Variants in MAP3K5 observed in about 807,000 individuals in gnomAD.
MAP3K5 encodes ASK-1.
Under a neutral mutation model 158.7 loss-of-function variants are expected in MAP3K5, and 56 were observed. The observed-to-expected ratio is 0.35, with a 90% confidence interval of 0.28 to 0.44. The LOEUF (loss-of-function observed/expected upper bound fraction) is 0.44, where lower values mean the gene tolerates loss of function less well. Among genes scored for constraint, MAP3K5 ranks in the 20% least tolerant of loss-of-function variants. The pLI, the probability that MAP3K5 is intolerant of heterozygous loss-of-function variation, is 1.00. For missense variants in MAP3K5, 1,294 were observed against 1,674.8 expected, an observed-to-expected ratio of 0.77 and a Z score of 3.97; for synonymous variants, 579 against 601.7, an observed-to-expected ratio of 0.96 and a Z score of 0.55.
intron 26 of MAP3K5, among the ~76,000 whole-genome samples, chr6:136,564,114 T>C (rs150659808): frequency 6.5e-4 from 99 of 152,336 alleles, no homozygotes; most frequent in African/African-American, 2.2e-3. Context: ...TGAGACAGCA[T>C]AGGTACAGTG....
At chr6:136,759,712 A>G (rs1054428035) in intron 1 of MAP3K5, among the ~76,000 whole-genome samples, 1 of 149,848 alleles carries the variant, frequency 6.7e-6, no homozygotes, top group African/African-American at 2.5e-5. Flanking sequence ...GGCTCAAGCG[A>G]TCTGCTCACC....
chr6:136,656,535 C>A, intron 9 of MAP3K5, 75 bp from the exon 10 acceptor site: 1 of 886,622 alleles, frequency 1.1e-6, no homozygotes, highest in Non-Finnish European at 1.7e-6. Context: ...CAGTCTAATT[C>A]TGTAAATGTA....
rs535991863 is a variant in MAP3K5, at chr6:136,752,304, G to C, written c.449-31715C>G. 7.2e-5 allele frequency among the ~76,000 whole-genome samples: 11 copies of C among 152,238 alleles called. No individual in the cohort carries two copies. In the East Asian group the frequency reaches 1.7e-3, roughly 24 times the overall value. ...ATCAATAAGGGCTGTATTAGAAACAGGGATGGTGCCGAGGAAACAACACAG... is the reference window on the plus strand; with the variant it reads ...ATCAATAAGGGCTGTATTAGAAACACGGATGGTGCCGAGGAAACAACACAG... On this transcript the variant is annotated intron_variant, in intron 1 of 29. Coordinates refer to ENST00000359015, the MANE Select transcript of MAP3K5 (RefSeq NM_005923.4).
At chr6:136,689,224 C>G (rs1780284074) in intron 7 of MAP3K5, among the ~76,000 whole-genome samples, 2 of 152,188 alleles carry the variant, frequency 1.3e-5, no homozygotes, top group Admixed American at 1.3e-4. Context: ...TGCCTGAGGC[C>G]AGGAGTTCCA....
intron 6 of MAP3K5, among the ~76,000 whole-genome samples, chr6:136,695,687 T>C (rs1780574171): frequency 6.6e-6 from 1 of 152,206 alleles, no homozygotes; most frequent in Non-Finnish European, 1.5e-5. Flanking sequence ...AAAATATGAA[T>C]AGCAAATACA....
intron 1 of MAP3K5, among the ~76,000 whole-genome samples, chr6:136,727,250 G>C (rs1186675037): frequency 6.6e-6 from 1 of 152,168 alleles, no homozygotes; most frequent in East Asian, 1.9e-4. Context: ...AGGAGGAACA[G>C]TTTATCCATT....
intron 23 of MAP3K5, among the ~76,000 whole-genome samples, chr6:136,585,294 T>G (rs1269247962): frequency 6.6e-6 from 1 of 151,112 alleles, no homozygotes; most frequent in Non-Finnish European, 1.5e-5. Context: ...TTTTTAAAAC[T>G]TTTTGTAGAG....
intron 1 of MAP3K5, among the ~76,000 whole-genome samples, chr6:136,784,890 G>A (rs987581199): frequency 6.6e-6 from 1 of 151,842 alleles, no homozygotes; most frequent in African/African-American, 2.4e-5. Flanking sequence ...TGATTTTCTT[G>A]TCTCTCTGTC....
chr6:136,652,692 C>G (rs1297249871), intron 10 of MAP3K5, among the ~76,000 whole-genome samples: 1 of 152,190 alleles, frequency 6.6e-6, no homozygotes, highest in Non-Finnish European at 1.5e-5. Flanking sequence ...AAGAAAAGCA[C>G]TAACTCCTCT....
chr6:136,623,723 T>C (rs1264124391), intron 14 of MAP3K5, among the ~76,000 whole-genome samples: 1 of 152,258 alleles, frequency 6.6e-6, no homozygotes, highest in South Asian at 2.1e-4. Flanking sequence ...AACTAAATGA[T>C]TTAGGGCCAT....
At chr6:136,600,797 A>C (rs1775840108) in intron 21 of MAP3K5, among the ~76,000 whole-genome samples, 3 of 152,062 alleles carry the variant, frequency 2.0e-5, no homozygotes, top group Admixed American at 2.0e-4. Context: ...AGGGAGAAAA[A>C]ATTTAAGCCA....
At chr6:136,601,698 A>C in intron 20 of MAP3K5, 104 bp downstream of exon 20, 2 of 976,746 alleles carry the variant, frequency 2.0e-6, no homozygotes, top group Non-Finnish European at 3.0e-6. Context: ...ACCAATTTCC[A>C]GTGATATCTG....
chr6:136,782,019 C>T (rs1006900784), intron 1 of MAP3K5, among the ~76,000 whole-genome samples: 2 of 148,248 alleles, frequency 1.3e-5, no homozygotes, highest in African/African-American at 5.0e-5. Flanking sequence ...AGTTCAAGAC[C>T]AGCCTGGGCA....
At chr6:136,616,010 C>T (rs1396662803) in intron 15 of MAP3K5, among the ~76,000 whole-genome samples, 4 of 152,106 alleles carry the variant, frequency 2.6e-5, no homozygotes, top group African/African-American at 9.7e-5. Context: ...AAGCAGCCAA[C>T]AGCAATAACA....
chr6:136,564,593 A>G (rs367702482), intron 26 of MAP3K5, among the ~76,000 whole-genome samples: 42 of 152,218 alleles, frequency 2.8e-4, no homozygotes, highest in African/African-American at 9.4e-4. Flanking sequence ...ATTTATACGT[A>G]TAAGACAGTG....
intron 13 of MAP3K5, among the ~76,000 whole-genome samples, chr6:136,639,269 G>T (rs1379262691): frequency 6.6e-6 from 1 of 152,032 alleles, no homozygotes; most frequent in African/African-American, 2.4e-5. Flanking sequence ...CTTAAAATAT[G>T]AGTTATAATA....
intron 14 of MAP3K5, among the ~76,000 whole-genome samples, chr6:136,623,413 C>T (rs1562555562): frequency 6.6e-6 from 1 of 152,136 alleles, no homozygotes. Context: ...AATAAAACCA[C>T]CGAAAGGCTT....
intron 1 of MAP3K5, among the ~76,000 whole-genome samples, chr6:136,742,841 A>C (rs1782768603): frequency 6.6e-6 from 1 of 152,246 alleles, no homozygotes; most frequent in Non-Finnish European, 1.5e-5. Context: ...AATGGGCCAA[A>C]GACCTGAATG....
rs763259352 is a variant in MAP3K5 at position 136,651,016 on chromosome 6, T to C, written c.1756A>G (p.Ile586Val). ...TCAGGAAGCACGTGCCAAATAGAGA[T>C]TGTCTTTTCCTCAACTTCATTGTTG... is the stretch of plus-strand genomic sequence containing the variant. The part of the protein sequence containing the change: ...SINNEVEEKT[I>V]SIWHVLPDDK... The change falls in exon 11 of 30, where the codon ATC (isoleucine) becomes GTC (valine). Residue 586 changes from isoleucine to valine, a missense_variant. Physicochemically the swap from Ile to Val is conservative, Grantham distance 29. Around this residue, in one of 5 missense-constraint regions of MAP3K5, gnomAD observed 690 missense variants for 870.5 expected, o/e 0.79. Coordinates refer to ENST00000359015, the MANE Select transcript of MAP3K5 (RefSeq NM_005923.4). 3 of 1,611,980 alleles carry C rather than the reference T, an allele frequency of 1.9e-6. No homozygotes were observed. Among genetic ancestry groups the C allele is most frequent in the South Asian group, 1.1e-5 (1 of 90,740 alleles).
Sources: gnomAD v4.1 joint callset for allele counts (sites outside exome capture counted in the v4.1 genomes callset) on GRCh38, gnomAD v4.1.1 for gene constraint, gnomAD v4.1.1 regional missense constraint, MANE v1.5 for transcripts, NCBI Gene and HGNC (gene_info 2026-07-23, HGNC 2026-07-21) for gene names.